Variants in DSP observed in about 807,000 individuals in gnomAD.
DSP encodes 250/210 kDa paraneoplastic pemphigus antigen.
DSP carries 114 observed loss-of-function variants against 290.6 expected under a neutral mutation model. The observed-to-expected ratio is 0.39, with a 90% CI of 0.34 to 0.46. DSP has a LOEUF of 0.46. Among genes scored for constraint, DSP ranks in the 20% least tolerant of loss-of-function variants. The pLI is 0.99. For synonymous variants in DSP, 1,311 were observed against 1,316.4 expected (o/e 1.00, Z 0.09); for missense variants, 3,230 against 3,495.8 (o/e 0.92, Z 1.92).
chr6:7,555,219 A>C (rs1410107908), intron 1 of DSP, among the ~76,000 whole-genome samples: 1 of 152,212 alleles, frequency 6.6e-6, no homozygotes, highest in Non-Finnish European at 1.5e-5. Context: ...GGGAGGGGAA[A>C]ACTTGCTGTG....
chr6:7,571,461 A>G lies in DSP; in HGVS notation c.1780A>G (p.Ser594Gly). The change falls in exon 14 of 24, where the codon AGC (serine) becomes GGC (glycine). Residue 594 changes from serine (S) to glycine (G), a missense_variant. Transcript: ENST00000379802. ...ACATTACCAAGAGTTCATCAGAAAT[A>G]GCCAAGGCTCAGAGATGTTTGGAGA... ...ELHYQEFIRN[S>G]QGSEMFGDDD... 6.2e-7 allele frequency: 1 copy of G among 1,614,230 alleles called. No homozygotes were observed. Among genetic ancestry groups the G allele is most frequent in the Non-Finnish European group, 8.5e-7 (1 of 1,180,048 alleles).
In DSP at chr6:7,579,306, A is replaced by C. The variant is rs1422870497; in HGVS notation, c.3116A>C (p.Glu1039Ala). 6.2e-7 allele frequency: 1 copy of C among 1,614,200 alleles called. No individual in the cohort carries two copies. Among genetic ancestry groups the C allele is most frequent in the Admixed American group, 1.7e-5 (1 of 60,028 alleles). ...LKNTKIEVLE[E>A]ELRLARDANS... Reference sequence around the variant, plus strand: ...AATACCAAGATCGAAGTTTTGGAAGAGGAGCTCAGACTGGCCCGAGATGCC... The same window carrying C: ...AATACCAAGATCGAAGTTTTGGAAGCGGAGCTCAGACTGGCCCGAGATGCC... Residue 1039 changes from glutamate to alanine, a missense_variant, in exon 23 of 24, where the codon GAG becomes GCG. Physicochemically the swap from Glu to Ala is moderately radical, Grantham distance 107. Around this residue, in one of 5 missense-constraint regions of DSP, gnomAD observed 1,714 missense variants for 1,844.5 expected, o/e 0.93. Transcript: ENST00000379802. This position sits in a 1 kb window ranked among gnomAD's most constrained non-coding sequence, Gnocchi z 4.1.
rs111647577 is a variant in DSP at position 7,565,777 on chromosome 6, T to C, written c.939+257T>C. 7 of 477,132 alleles carry C rather than the reference T, an allele frequency of 1.5e-5. No homozygotes were observed. In the East Asian group the frequency reaches 1.7e-4, roughly 11 times the overall value. 29.6% of individuals were successfully genotyped at this position (477,132 alleles called of 1,614,324 possible). A position where few individuals can be genotyped will look rare whatever the true frequency, so the allele number is the denominator to read the frequency against. On this transcript the variant is annotated intron_variant, in intron 7 of 23. Transcript: ENST00000379802. The surrounding 1 kb of genome is among the most constrained non-coding windows in gnomAD (Gnocchi z 4.2). ...AGGAGTGGGAACTAAATGATGAGAA[T>C]ACATGGATACATCGAGGGCAACAAC... is the stretch of plus-strand genomic sequence containing the variant.
intron 6 of DSP, among the ~76,000 whole-genome samples, chr6:7,564,003 A>C (rs966216834): frequency 3.3e-5 from 5 of 152,104 alleles, no homozygotes; most frequent in Non-Finnish European, 4.4e-5. Flanking sequence ...TCACCATGTT[A>C]ACCAGGGTGG....
At chr6:7,556,067 A>ATT (rs1373352822) in intron 2 of DSP, among the ~76,000 whole-genome samples, 1 of 152,206 alleles carries the variant, frequency 6.6e-6, no homozygotes, top group Non-Finnish European at 1.5e-5. Flanking sequence ...TACACTACAG[A>ATT]TTGCCACCTT....
chr6:7,560,368 TC>T (rs1758643503), intron 4 of DSP, among the ~76,000 whole-genome samples: 1 of 152,202 alleles, frequency 6.6e-6, no homozygotes, highest in African/African-American at 2.4e-5. Context: ...GTTACCTTTT[TC>T]TCCCATTTAT....
chr6:7,546,457 G>A (rs1386331265), intron 1 of DSP, among the ~76,000 whole-genome samples: 1 of 152,190 alleles, frequency 6.6e-6, no homozygotes, highest in Non-Finnish European at 1.5e-5. Flanking sequence ...CCTGTGATGT[G>A]CCTTGTATAG....
In DSP at chr6:7,583,815, C is replaced by T. The variant is rs1166221355; in HGVS notation, c.6553C>T (p.Gln2185Ter). The change falls in exon 24 of 24, where the codon CAG (glutamine) becomes TAG (stop). Residue 2185 changes from glutamine (Q) to a stop codon, truncating the protein, a stop_gained. Coordinates refer to ENST00000379802, the MANE Select transcript of DSP (RefSeq NM_004415.4). LOFTEE classifies it high-confidence loss of function. The surrounding 1 kb of genome is among the most constrained non-coding windows in gnomAD (Gnocchi z 4.0). The stretch of plus-strand genomic sequence containing the variant: ...CACCAAAAAGAAGGTCAGTTACGTG[C>T]AGCTGAAGGAACGGTGCAGAATCGA... ...PVTKKKVSYV[Q>*]LKERCRIEPH... is the part of the protein sequence containing the mutation. The T allele has an allele frequency of 6.2e-7, 1 of 1,614,118 alleles. No homozygotes were observed. The highest frequency in any genetic ancestry group is 8.5e-7 in the Non-Finnish European group (1 of 1,180,006).
At position 7,585,796 on chromosome 6, in the gene DSP, C is replaced by A. The variant is rs1200535563; in HGVS notation, c.8534C>A (p.Ser2845Tyr). 1.2e-6 allele frequency: 2 copies of A among 1,610,748 alleles called. No individual in the cohort carries two copies. Among genetic ancestry groups the A allele is most frequent in the Non-Finnish European group, 1.7e-6 (2 of 1,179,174 alleles). Residue 2845 changes from serine to tyrosine, a missense_variant, in exon 24 of 24, where the codon TCC becomes TAC. Ser to Tyr is a moderately radical substitution (Grantham distance 144, BLOSUM62 -2). Coordinates refer to ENST00000379802, the MANE Select transcript of DSP (RefSeq NM_004415.4). The stretch of plus-strand genomic sequence containing the variant: ...TCTCGCTCCGGGTCCCGCAGTGGGT[C>A]CCGGAGAGGAAGCTTTGACGCCACA... ...SGSRSGSRSG[S>Y]RRGSFDATGN... is the part of the protein sequence containing the mutation.
At position 7,571,469 on chromosome 6, in the gene DSP, C is replaced by G. The variant is rs2113679013; in HGVS notation, c.1788C>G (p.Gly596=). 2 of 1,614,196 alleles carry G rather than the reference C, an allele frequency of 1.2e-6. No homozygotes were observed. Among genetic ancestry groups the G allele is most frequent in the Middle Eastern group, 1.6e-4 (1 of 6,062 alleles). ...AAGAGTTCATCAGAAATAGCCAAGG[C>G]TCAGAGATGTTTGGAGATGATGACA... The part of the protein sequence containing the change: ...HYQEFIRNSQ[G]SEMFGDDDKR... Residue 596 remains glycine (G), a synonymous_variant, in exon 14 of 24, where the codon GGC becomes GGG. Transcript: ENST00000379802.
rs1581800338 is a variant in DSP at position 7,566,387 on chromosome 6, G to C, written c.950G>C (p.Ser317Thr). The C allele has an allele frequency of 6.2e-7, 1 of 1,613,246 alleles. No individual in the cohort carries two copies. The highest frequency in any genetic ancestry group is 1.3e-5 in the African/African-American group (1 of 74,872). ...TTTCTTCATTCACAGATACGCATGA[G>C]TCAACTGGAAGTTAAAGAAAAAGAG... Reference protein sequence around the residue: ...QKQEAFSIRMSQLEVKEKELN... With the variant: ...QKQEAFSIRMTQLEVKEKELN... Residue 317 changes from serine (S) to threonine (T), a missense_variant, in exon 8 of 24, where the codon AGT becomes ACT. This residue lies in a region of DSP where 646 missense variants were observed against 684.3 expected (regional missense o/e 0.94). Coordinates refer to ENST00000379802, the MANE Select transcript of DSP (RefSeq NM_004415.4).
At chr6:7,548,589 C>G (rs984255983) in intron 1 of DSP, among the ~76,000 whole-genome samples, 6 of 152,204 alleles carry the variant, frequency 3.9e-5, no homozygotes, top group African/African-American at 1.4e-4. Context: ...CACAATCTGC[C>G]AAACACACAG....
At position 7,565,892 on chromosome 6, in the gene DSP, T is replaced by C; in HGVS notation, c.939+372T>C. 1 of 355,202 alleles carries C rather than the reference T, an allele frequency of 2.8e-6. No homozygotes were observed. Among genetic ancestry groups the C allele is most frequent in the South Asian group, 2.5e-5 (1 of 40,082 alleles). The allele number at this position is 355,202 out of a possible 1,614,324, so 22.0% of individuals were successfully genotyped here. On this transcript the variant is annotated intron_variant, in intron 7 of 23. Transcript: ENST00000379802. The surrounding 1 kb of genome is among the most constrained non-coding windows in gnomAD (Gnocchi z 4.2). ...AACTAATGGGTACTAGGCTTAATCG[T>C]GGGTGATGAAATAACCTGTACAACA...
intron 1 of DSP, among the ~76,000 whole-genome samples, chr6:7,551,320 G>A (rs1317793675): frequency 6.6e-6 from 1 of 151,996 alleles, no homozygotes; most frequent in East Asian, 1.9e-4. Context: ...TTGAATTACA[G>A]CTTTTAAAAA....
intron 1 of DSP, among the ~76,000 whole-genome samples, chr6:7,544,877 G>A (rs1758126696): frequency 6.6e-6 from 1 of 152,146 alleles, no homozygotes; most frequent in Non-Finnish European, 1.5e-5. Flanking sequence ...TTTGGTAAAT[G>A]TTACAACCTT....
Position 7,580,715 on chromosome 6 carries a change from A to C in DSP, c.4525A>C (p.Arg1509=), listed in dbSNP as rs1237401510. The C allele has an allele frequency of 6.2e-7, 1 of 1,613,928 alleles. No individual in the cohort carries two copies. The highest frequency in any genetic ancestry group is 8.5e-7 in the Non-Finnish European group (1 of 1,179,986). ...GGAAGATGAAAACGCGAGATTACAA[A>C]GGGTCCAGTATGACCTGCAGAAAGC... ...CLEDENARLQ[R]VQYDLQKANS... is the part of the protein sequence containing the mutation. The change falls in exon 23 of 24, where the codon AGG becomes CGG. Residue 1509 remains arginine, a synonymous_variant. Transcript: ENST00000379802. The surrounding 1 kb of genome is among the most constrained non-coding windows in gnomAD (Gnocchi z 4.2).
intron 16 of DSP, 67 bp from the exon 17 acceptor site, chr6:7,574,590 G>A (rs1355556283): frequency 1.2e-6 from 2 of 1,607,710 alleles, no homozygotes; most frequent in Non-Finnish European, 1.7e-6. Context: ...TACTAGCTGT[G>A]AGAGGCAAAT....
rs1284991362 is a variant in DSP at position 7,580,093 on chromosome 6, G to A, written c.3903G>A (p.Gln1301=). Residue 1301 remains glutamine (Q), a synonymous_variant, in exon 23 of 24, where the codon CAG becomes CAA. Transcript: ENST00000379802. The surrounding 1 kb of genome is among the most constrained non-coding windows in gnomAD (Gnocchi z 4.2). Reference sequence around the variant, plus strand: ...TAGAACTGAAGCAGGTCATGCAGCAGCGCTCTGAGGACAATGCCCGGCACA... The same window carrying A: ...TAGAACTGAAGCAGGTCATGCAGCAACGCTCTGAGGACAATGCCCGGCACA... ...LEIELKQVMQ[Q]RSEDNARHKQ... 5 of 1,613,990 alleles carry A rather than the reference G, an allele frequency of 3.1e-6. No individual in the cohort carries two copies. Among genetic ancestry groups the A allele is most frequent in the Non-Finnish European group, 3.4e-6 (4 of 1,180,000 alleles).
In DSP at chr6:7,584,496, A is replaced by G; in HGVS notation, c.7234A>G (p.Thr2412Ala). ...GATTCTCTCAGATCCAAGTGATGAT[A>G]CCAAAGGATTTTTTGACCCCAACAC... The part of the protein sequence containing the change: ...SEILSDPSDD[T>A]KGFFDPNTEE... The change falls in exon 24 of 24, where the codon ACC (threonine) becomes GCC (alanine). Residue 2412 changes from threonine (T) to alanine (A), a missense_variant. Physicochemically the swap from Thr to Ala is moderately conservative, Grantham distance 58 (BLOSUM62 0). Transcript: ENST00000379802. This position sits in a 1 kb window ranked among gnomAD's most constrained non-coding sequence, Gnocchi z 6.4. 6.2e-7 allele frequency: 1 copy of G among 1,614,226 alleles called. No individual in the cohort carries two copies. The highest frequency in any genetic ancestry group is 8.5e-7 in the Non-Finnish European group (1 of 1,180,040).
Sources: gnomAD v4.1 joint callset for allele counts (sites outside exome capture counted in the v4.1 genomes callset) on GRCh38, gnomAD v4.1.1 for gene constraint, gnomAD v4.1.1 regional missense constraint, Gnocchi (gnomAD v3.1) non-coding constraint, MANE v1.5 for transcripts, NCBI Gene and HGNC (gene_info 2026-07-23, HGNC 2026-07-21) for gene names.